The following IGFL2 variants were observed in gnomAD, a reference collection of about 807,000 sequenced individuals.
IGFL2 encodes IGF like family member 2.
Under a neutral mutation model 13.9 loss-of-function variants are expected in IGFL2, and 7 were observed. The ratio of observed to expected loss-of-function variants is 0.51; its 90% CI spans 0.29 to 0.95. The LOEUF (loss-of-function observed/expected upper bound fraction) is 0.95, where lower values mean the gene tolerates loss of function less well. Among genes scored for constraint, IGFL2 ranks in the 40% least tolerant of loss-of-function variants. The pLI is 0.08. For missense variants in IGFL2, 138 were observed against 147.8 expected, an observed-to-expected ratio of 0.93 and a Z score of 0.34; for synonymous variants, 55 against 55.8, an observed-to-expected ratio of 0.99 and a Z score of 0.07.
At chr19:46,095,139 C>T in the IGFL2 span, among the ~76,000 whole-genome samples, 1 of 152,164 alleles carries the variant, frequency 6.6e-6, no homozygotes, top group African/African-American at 2.4e-5. Flanking sequence ...TTTACATTCC[C>T]ACCAACAGTA....
At chr19:46,084,940 C>T in the IGFL2 span, among the ~76,000 whole-genome samples, 24 of 152,174 alleles carry the variant, frequency 1.6e-4, no homozygotes, top group African/African-American at 4.8e-4. Context: ...AGTCTTTACT[C>T]ATTCCGGCAT....
At chr19:46,186,722 C>T in the IGFL2 span, among the ~76,000 whole-genome samples, 2,135 of 152,264 alleles carry the variant, frequency 0.014, 55 homozygotes, top group African/African-American at 0.047. Flanking sequence ...GCTGCAGGGA[C>T]AGATATGGGG....
the IGFL2 span, among the ~76,000 whole-genome samples, chr19:46,187,891 T>C: frequency 2.7e-5 from 4 of 150,514 alleles, no homozygotes; most frequent in Non-Finnish European, 4.5e-5. Context: ...TGCTGGTGTG[T>C]GCTACCTGAT....
the IGFL2 span, among the ~76,000 whole-genome samples, chr19:46,117,206 T>A: frequency 6.6e-6 from 1 of 152,196 alleles, no homozygotes; most frequent in Non-Finnish European, 1.5e-5. Flanking sequence ...TAAAGGTTAA[T>A]TGAGGCTGCA....
chr19:46,155,418 A>C (rs1340490622), intron 1 of IGFL2, among the ~76,000 whole-genome samples: 1 of 152,208 alleles, frequency 6.6e-6, no homozygotes, highest in Non-Finnish European at 1.5e-5. Context: ...TTTGTGGCTT[A>C]AATGCCCTCA....
chr19:46,186,655 G>A, the IGFL2 span, among the ~76,000 whole-genome samples: 6 of 152,154 alleles, frequency 3.9e-5, no homozygotes, highest in Non-Finnish European at 8.8e-5. Context: ...TTGATAGTCT[G>A]GCCTTCCAGA....
chr19:46,175,871 C>G, the IGFL2 span, among the ~76,000 whole-genome samples: 142 of 143,262 alleles, frequency 9.9e-4, no homozygotes, highest in African/African-American at 3.4e-3. Flanking sequence ...GAAACGGAGT[C>G]TCGCTCTGTC....
chr19:46,194,848 ATATATTTT>A, the IGFL2 span, among the ~76,000 whole-genome samples: 1 of 33,964 alleles, frequency 2.9e-5, no homozygotes, highest in African/African-American at 9.6e-5. Context: ...ATATATATAT[ATATATTTT>A]TTTTTTTTTT....
chr19:46,158,233 A>T (rs1045438777), intron 1 of IGFL2, among the ~76,000 whole-genome samples: 1 of 152,204 alleles, frequency 6.6e-6, no homozygotes, highest in African/African-American at 2.4e-5. Flanking sequence ...TTTGAGACAG[A>T]GTGTCACTCT....
the IGFL2 span, among the ~76,000 whole-genome samples, chr19:46,121,467 T>C: frequency 6.7e-6 from 1 of 148,318 alleles, no homozygotes; most frequent in Non-Finnish European, 1.5e-5. Context: ...CCAACACTCA[T>C]AGCCTGAGCA....
chr19:46,157,540 A>G (rs564179806), intron 1 of IGFL2, among the ~76,000 whole-genome samples: 156 of 152,376 alleles, frequency 1.0e-3, no homozygotes, highest in Admixed American at 2.0e-4. Flanking sequence ...ACATGATCAC[A>G]TCAATTGATG....
At chr19:46,090,413 C>T in the IGFL2 span, among the ~76,000 whole-genome samples, 2 of 152,174 alleles carry the variant, frequency 1.3e-5, no homozygotes, top group Admixed American at 1.3e-4. Context: ...TGTCATATTT[C>T]TCTGATTGTT....
At chr19:46,159,282 T>A (rs895637907) in intron 1 of IGFL2, 1 of 152,278 alleles carries the variant, frequency 6.6e-6, no homozygotes, top group Non-Finnish European at 1.5e-5. Context: ...CTGGGAAATA[T>A]AGAATTAGAA....
the IGFL2 span, among the ~76,000 whole-genome samples, chr19:46,167,119 A>G: frequency 1.3e-5 from 2 of 152,254 alleles, no homozygotes; most frequent in Non-Finnish European, 2.9e-5. Flanking sequence ...TAGGCATTAG[A>G]AATTACAGAA....
downstream of IGFL2, among the ~76,000 whole-genome samples, chr19:46,161,917 T>C (rs1974188558): frequency 6.6e-6 from 1 of 152,218 alleles, no homozygotes; most frequent in South Asian, 2.1e-4. Flanking sequence ...GTGACACTGG[T>C]CTGTGTGTTT....
chr19:46,153,193 A>C (rs940918491), intron 1 of IGFL2, among the ~76,000 whole-genome samples: 6 of 152,136 alleles, frequency 3.9e-5, no homozygotes, highest in Non-Finnish European at 7.4e-5. Context: ...AATAGACTGG[A>C]AAGTTGTGTT....
chr19:46,168,660 C>T, the IGFL2 span, among the ~76,000 whole-genome samples: 2 of 152,190 alleles, frequency 1.3e-5, no homozygotes, highest in Non-Finnish European at 2.9e-5. Flanking sequence ...AACCCCACTG[C>T]TTGTCCCCCT....
chr19:46,112,422 G>A, the IGFL2 span, among the ~76,000 whole-genome samples: 1 of 152,182 alleles, frequency 6.6e-6, no homozygotes, highest in Admixed American at 6.5e-5. Flanking sequence ...AAGCTGTGGG[G>A]CTTCTAGGAA....
the IGFL2 span, chr19:46,212,871 G>T: frequency 6.6e-6 from 1 of 152,178 alleles, no homozygotes; most frequent in African/African-American, 2.4e-5. Flanking sequence ...GACCATTAAT[G>T]AAACAGAGAA....
Sources: gnomAD v4.1 joint callset for allele counts (sites outside exome capture counted in the v4.1 genomes callset) on GRCh38, gnomAD v4.1.1 for gene constraint, MANE v1.5 for transcripts, NCBI Gene and HGNC (gene_info 2026-07-23, HGNC 2026-07-21) for gene names.